Variants in ZMYM2 observed in about 807,000 individuals in gnomAD.
The protein encoded by ZMYM2 is zinc finger MYM-type protein 2.
ZMYM2 carries 56 observed loss-of-function variants against 162.8 expected under a neutral mutation model. That is an observed-to-expected ratio of 0.34 (90% CI 0.28 to 0.43). The LOEUF is 0.43. Ranked by LOEUF, ZMYM2 falls within the 20% of genes least tolerant of loss-of-function variation. The probability of loss-of-function intolerance (pLI) is 1.00; values close to 1 mark genes in which losing one functional copy is unlikely to be tolerated. For synonymous variants in ZMYM2, 510 were observed against 541.6 expected (o/e 0.94, Z 0.81); for missense variants, 1,275 against 1,621.8 (o/e 0.79, Z 3.67).
chr13:19,980,294 C>A (rs1474787798), intron 2 of ZMYM2, among the ~76,000 whole-genome samples: 1 of 151,972 alleles, frequency 6.6e-6, no homozygotes, highest in Non-Finnish European at 1.5e-5. Flanking sequence ...AATTTATATA[C>A]CCTATTGAAA....
At chr13:19,924,888 T>C in the ZMYM2 span, among the ~76,000 whole-genome samples, 2 of 151,466 alleles carry the variant, frequency 1.3e-5, no homozygotes, top group Non-Finnish European at 2.9e-5. Context: ...CTTTTTTTTT[T>C]TTTTTTTGTT....
intron 4 of ZMYM2, among the ~76,000 whole-genome samples, chr13:20,004,210 G>A (rs1351639713): frequency 6.6e-6 from 1 of 152,058 alleles, no homozygotes; most frequent in Non-Finnish European, 1.5e-5. Flanking sequence ...TTGAAAATCA[G>A]AATAAAAGGA....
At chr13:19,942,555 A>T in the ZMYM2 span, among the ~76,000 whole-genome samples, 1 of 150,896 alleles carries the variant, frequency 6.6e-6, no homozygotes. Context: ...AAAAAAAAAA[A>T]GAAAATTAGC....
At chr13:19,893,698 C>T in the ZMYM2 span, among the ~76,000 whole-genome samples, 5 of 151,534 alleles carry the variant, frequency 3.3e-5, no homozygotes, top group East Asian at 1.9e-4. Context: ...CAAGATGACA[C>T]GACTGCAGTC....
At chr13:19,915,415 T>TTTTCTTTC in the ZMYM2 span, among the ~76,000 whole-genome samples, 48 of 148,394 alleles carry the variant, frequency 3.2e-4, no homozygotes, top group African/African-American at 1.1e-3. Flanking sequence ...CTTGCTTGCT[T>TTTTCTTTC]TTTCTTTCTT....
intron 21 of ZMYM2, among the ~76,000 whole-genome samples, chr13:20,074,683 C>T (rs1957359105): frequency 6.6e-6 from 1 of 152,008 alleles, no homozygotes; most frequent in African/African-American, 2.4e-5. Flanking sequence ...GCACTACAGG[C>T]GCCTGCAACC....
the ZMYM2 span, among the ~76,000 whole-genome samples, chr13:19,886,162 C>CTTTTTTTT: frequency 2.6e-4 from 26 of 98,442 alleles, no homozygotes; most frequent in East Asian, 3.3e-4. Context: ...TTCTTTCTTT[C>CTTTTTTTT]TTTTTTTTTT....
intron 2 of ZMYM2, among the ~76,000 whole-genome samples, chr13:19,977,104 T>A (rs531252463): frequency 1.3e-5 from 2 of 152,364 alleles, no homozygotes; most frequent in African/African-American, 4.8e-5. Context: ...CTCATTTGGT[T>A]AATATTTGCA....
Position 20,061,234 on chromosome 13 carries a change from A to G in ZMYM2, c.2911+10A>G, listed in dbSNP as rs772289783. ...ACAACCAACATCAACAGTGAGCTACACTAAATTATACCTTGCGAATAAGTG... is the reference window on the plus strand; with the variant it reads ...ACAACCAACATCAACAGTGAGCTACGCTAAATTATACCTTGCGAATAAGTG... On this transcript the variant is annotated intron_variant, in intron 17 of 24. Coordinates refer to ENST00000610343, the MANE Select transcript of ZMYM2 (RefSeq NM_197968.4). 189 of 1,611,284 alleles carry G rather than the reference A, an allele frequency of 1.2e-4. No individual in the cohort carries two copies. Among genetic ancestry groups the G allele is most frequent in the Non-Finnish European group, 1.5e-4 (176 of 1,178,242 alleles).
the ZMYM2 span, among the ~76,000 whole-genome samples, chr13:19,916,811 T>C: frequency 6.6e-6 from 1 of 152,160 alleles, no homozygotes; most frequent in Non-Finnish European, 1.5e-5. Context: ...TGTATACATA[T>C]GTAACAAACC....
the ZMYM2 span, among the ~76,000 whole-genome samples, chr13:19,874,064 C>T: frequency 4.6e-5 from 7 of 152,130 alleles, no homozygotes; most frequent in African/African-American, 2.4e-5. Context: ...TCTTTAAAGG[C>T]TCTTGCAGCT....
intron 12 of ZMYM2, among the ~76,000 whole-genome samples, chr13:20,041,147 T>C (rs1371486767): frequency 2.6e-5 from 4 of 152,170 alleles, no homozygotes; most frequent in African/African-American, 9.7e-5. Context: ...AATTATCTGC[T>C]TTGATGATCT....
chr13:20,058,934 TG>T (rs1172359206), intron 15 of ZMYM2: 5 of 646,402 alleles, frequency 7.7e-6, no homozygotes, highest in Non-Finnish European at 1.4e-5. Context: ...ATGTCAAAAG[TG>T]AAAAAATACT....
At chr13:20,013,533 T>G in intron 6 of ZMYM2, among the ~76,000 whole-genome samples, 1 of 152,232 alleles carries the variant, frequency 6.6e-6, no homozygotes, top group East Asian at 1.9e-4. Flanking sequence ...AAAATAATTT[T>G]TTTACCATTG....
intron 21 of ZMYM2, among the ~76,000 whole-genome samples, chr13:20,073,640 T>G (rs1957252394): frequency 6.6e-6 from 1 of 152,220 alleles, no homozygotes; most frequent in Non-Finnish European, 1.5e-5. Flanking sequence ...TTTACTTACA[T>G]CACGAATTTT....
chr13:20,074,761 A>T (rs907666083), intron 21 of ZMYM2, among the ~76,000 whole-genome samples: 2 of 150,272 alleles, frequency 1.3e-5, no homozygotes, highest in African/African-American at 4.9e-5. Context: ...GACGGTCTCG[A>T]TCTCCTGACC....
the ZMYM2 span, among the ~76,000 whole-genome samples, chr13:19,870,015 T>C: frequency 6.6e-6 from 1 of 152,150 alleles, no homozygotes; most frequent in Non-Finnish European, 1.5e-5. Context: ...CTCATGAGGT[T>C]GCAGTCCACA....
chr13:19,993,667 G>A lies in ZMYM2; in HGVS notation c.595G>A (p.Asp199Asn). 2.5e-6 allele frequency: 4 copies of A among 1,614,006 alleles called. No individual in the cohort carries two copies. The highest frequency in any genetic ancestry group is 1.7e-5 in the Admixed American group (1 of 60,010). The change falls in exon 3 of 25, where the codon GAT (aspartate) becomes AAT (asparagine). Residue 199 changes from aspartate to asparagine, a missense_variant. Asp to Asn is a conservative substitution (Grantham distance 23). Coordinates refer to ENST00000610343, the MANE Select transcript of ZMYM2 (RefSeq NM_197968.4). Reference protein sequence around the residue: ...TLETGVSSVNDGQLENTDGRD... With the variant: ...TLETGVSSVNNGQLENTDGRD... The stretch of plus-strand genomic sequence containing the variant: ...AGAAACAGGTGTAAGCTCTGTGAAT[G>A]ATGGCCAATTAGAAAATACTGACGG...
At chr13:19,895,076 CAAAAAAAAAA>C in the ZMYM2 span, among the ~76,000 whole-genome samples, 3 of 83,736 alleles carry the variant, frequency 3.6e-5, no homozygotes, top group East Asian at 1.1e-3. Flanking sequence ...AACTCCATCT[CAAAAAAAAAA>C]AAAAAAAAAA....
Sources: gnomAD v4.1 joint callset for allele counts (sites outside exome capture counted in the v4.1 genomes callset) on GRCh38, gnomAD v4.1.1 for gene constraint, MANE v1.5 for transcripts, NCBI Gene and HGNC (gene_info 2026-07-23, HGNC 2026-07-21) for gene names.